The following ASTN2 variants were observed in gnomAD, a reference collection of about 807,000 sequenced individuals.
ASTN2 encodes the protein astrotactin 2, also known as astrotactin-2.
A neutral mutation model predicts 139.8 loss-of-function variants in ASTN2; 54 were observed. That is an observed-to-expected ratio of 0.39 (90% CI 0.31 to 0.48). ASTN2 has a LOEUF of 0.48. Among genes scored for constraint, ASTN2 ranks in the 20% least tolerant of loss-of-function variants. The pLI, the probability that ASTN2 is intolerant of heterozygous loss-of-function variation, is 0.95. For synonymous variants in ASTN2, 756 were observed against 719.5 expected, an observed-to-expected ratio of 1.05 and a Z score of -0.81; for missense variants, 1,565 against 1,725.1, an observed-to-expected ratio of 0.91 and a Z score of 1.64.
intron 3 of ASTN2, among the ~76,000 whole-genome samples, chr9:117,157,818 A>G (rs550256740): frequency 6.6e-6 from 1 of 152,110 alleles, no homozygotes; most frequent in South Asian, 2.1e-4. Flanking sequence ...CAAGCTACAC[A>G]TTTGAAGTTT....
chr9:117,003,953 C>CGTGTGTGTGTGTGTGT (rs3038371), intron 7 of ASTN2, among the ~76,000 whole-genome samples: 1 of 146,222 alleles, frequency 6.8e-6, no homozygotes, highest in African/African-American at 2.6e-5. Context: ...CGCGCGCGCG[C>CGTGTGTGTGTGTGTGT]GTGTGTGTGT....
chr9:117,149,098 C>A (rs560158269), intron 3 of ASTN2, among the ~76,000 whole-genome samples: 3 of 152,232 alleles, frequency 2.0e-5, no homozygotes, highest in Non-Finnish European at 2.9e-5. Context: ...CAGCTCACTG[C>A]AACCACTGCC....
intron 19 of ASTN2, among the ~76,000 whole-genome samples, chr9:116,601,774 T>G (rs185297162): frequency 2.8e-4 from 43 of 152,330 alleles, no homozygotes; most frequent in African/African-American, 7.9e-4. Context: ...GAGTTTGAAT[T>G]GCTTGTGAGA....
chr9:117,279,689 T>A (rs1834279647), intron 2 of ASTN2, among the ~76,000 whole-genome samples: 1 of 152,228 alleles, frequency 6.6e-6, no homozygotes, highest in African/African-American at 2.4e-5. Flanking sequence ...TTGTGTACTC[T>A]TCACTCAGCT....
At chr9:116,783,389 C>T (rs1830274498) in intron 13 of ASTN2, among the ~76,000 whole-genome samples, 1 of 142,958 alleles carries the variant, frequency 7.0e-6, no homozygotes, top group Non-Finnish European at 1.5e-5. Flanking sequence ...TTTCAACCTT[C>T]TATCTTGTTA....
chr9:116,851,248 C>T (rs1325697852), intron 11 of ASTN2, among the ~76,000 whole-genome samples: 1 of 152,000 alleles, frequency 6.6e-6, no homozygotes, highest in Non-Finnish European at 1.5e-5. Flanking sequence ...ACATGATTAG[C>T]ATAAAAGACA....
intron 19 of ASTN2, among the ~76,000 whole-genome samples, chr9:116,549,144 CTG>C (rs1166878875): frequency 2.0e-5 from 3 of 151,272 alleles, no homozygotes; most frequent in Non-Finnish European, 2.9e-5. Flanking sequence ...GGTCTAGAAC[CTG>C]TGTCATCTGA....
At chr9:116,792,842 C>T (rs563183165) in intron 13 of ASTN2, among the ~76,000 whole-genome samples, 30 of 152,216 alleles carry the variant, frequency 2.0e-4, no homozygotes, top group African/African-American at 6.3e-4. Flanking sequence ...CTAGGCAGCT[C>T]GTGTTTCCAT....
At chr9:116,539,456 T>C (rs949517901) in intron 19 of ASTN2, among the ~76,000 whole-genome samples, 1 of 151,638 alleles carries the variant, frequency 6.6e-6, no homozygotes, top group Non-Finnish European at 1.5e-5. Context: ...GGAAAAAAAA[T>C]TTAAAGACTG....
intron 1 of ASTN2, among the ~76,000 whole-genome samples, chr9:117,373,765 G>A (rs1830049107): frequency 6.6e-6 from 1 of 152,172 alleles, no homozygotes; most frequent in Admixed American, 6.6e-5. Context: ...GAAAAGAAAT[G>A]TGGACAATTA....
chr9:116,806,715 C>T (rs1831038745), intron 12 of ASTN2, among the ~76,000 whole-genome samples: 1 of 152,118 alleles, frequency 6.6e-6, no homozygotes, highest in Non-Finnish European at 1.5e-5. Context: ...TCCCCAGTTT[C>T]CTCATGTGTA....
At chr9:116,647,053 T>C (rs803890) in intron 17 of ASTN2, among the ~76,000 whole-genome samples, 88,105 of 151,988 alleles carry the variant, frequency 0.58, 26,036 homozygotes, top group East Asian at 0.86. Context: ...TTCTGAAACC[T>C]CAGTCTTCCA....
At chr9:117,123,918 C>G (rs551774083) in intron 4 of ASTN2, among the ~76,000 whole-genome samples, 2 of 152,326 alleles carry the variant, frequency 1.3e-5, no homozygotes, top group East Asian at 3.9e-4. Context: ...TGCGACATGC[C>G]TGTCTGTGCT....
intron 10 of ASTN2, among the ~76,000 whole-genome samples, chr9:116,933,978 C>CTTTTTTTTTTTTTTTTTTT: frequency 3.3e-5 from 1 of 30,742 alleles, no homozygotes; most frequent in African/African-American, 8.6e-5. Context: ...AAGTGTTAGT[C>CTTTTTTTTTTTTTTTTTTT]CTTTTTTTTT....
chr9:116,810,793 A>G lies in ASTN2; in HGVS notation c.2208-4973T>C, dbSNP rs1054721412. Among the ~76,000 whole-genome samples the G allele has an allele frequency of 4.5e-4, 69 of 152,296 alleles. 2 individuals are homozygous for G. The highest frequency in any genetic ancestry group is 4.2e-3 in the Admixed American group (64 of 15,288). On this transcript the variant is annotated intron_variant, in intron 12 of 22. Coordinates refer to ENST00000313400, the MANE Select transcript of ASTN2 (RefSeq NM_001365068.1). Reference sequence around the variant, plus strand: ...ATGTTATCCATTACTTGATAATTTGATAAGTCTTGCCTATAAAATCCCCTG... The same window carrying G: ...ATGTTATCCATTACTTGATAATTTGGTAAGTCTTGCCTATAAAATCCCCTG...
intron 13 of ASTN2, among the ~76,000 whole-genome samples, chr9:116,789,179 A>G (rs1830461830): frequency 6.6e-6 from 1 of 152,262 alleles, no homozygotes; most frequent in African/African-American, 2.4e-5. Flanking sequence ...AAGAACAATC[A>G]CTTCATCGTC....
At chr9:117,054,197 C>T (rs149033070) in intron 5 of ASTN2, among the ~76,000 whole-genome samples, 1 of 152,242 alleles carries the variant, frequency 6.6e-6, no homozygotes, top group East Asian at 1.9e-4. Flanking sequence ...AGTCTTAGCC[C>T]AAGGGCCATT....
At chr9:117,331,752 G>A (rs754834930) in intron 1 of ASTN2, among the ~76,000 whole-genome samples, 9 of 152,106 alleles carry the variant, frequency 5.9e-5, no homozygotes, top group Non-Finnish European at 1.0e-4. Context: ...AAAGCCCATC[G>A]AAGATTTAAA....
intron 20 of ASTN2, among the ~76,000 whole-genome samples, chr9:116,469,599 C>A (rs767805257): frequency 2.0e-5 from 3 of 152,172 alleles, no homozygotes; most frequent in Admixed American, 6.5e-5. Flanking sequence ...ATTGAACCTT[C>A]ATGAGCCTTC....
Sources: allele counts gnomAD v4.1 joint callset (sites outside exome capture counted in the v4.1 genomes callset), GRCh38; gene constraint gnomAD v4.1.1; transcripts MANE v1.5; gene names NCBI Gene and HGNC (gene_info 2026-07-23, HGNC 2026-07-21).